Variants in SLC28A3 observed in about 807,000 individuals in gnomAD.
The protein encoded by SLC28A3 is concentrative Na(+)-nucleoside cotransporter 3.
In SLC28A3, 68 loss-of-function variants were observed where a neutral mutation model predicts 84.2. That is an observed-to-expected ratio of 0.81 (90% CI 0.66 to 0.99). SLC28A3 has a LOEUF of 0.99. Among genes scored for constraint, SLC28A3 ranks in the 50% least tolerant of loss-of-function variants. The pLI is 0.00. For synonymous variants in SLC28A3, 267 were observed against 303.6 expected, an observed-to-expected ratio of 0.88 and a Z score of 1.25; for missense variants, 712 against 841.5, an observed-to-expected ratio of 0.85 and a Z score of 1.90.
chr9:84,299,245 A>G (rs1287983312), intron 6 of SLC28A3, among the ~76,000 whole-genome samples: 1 of 152,222 alleles, frequency 6.6e-6, no homozygotes, highest in Non-Finnish European at 1.5e-5. Flanking sequence ...ATGGAGGACT[A>G]TTAGATTTTT....
At chr9:84,315,283 T>C (rs185053519) in intron 1 of SLC28A3, among the ~76,000 whole-genome samples, 3 of 152,268 alleles carry the variant, frequency 2.0e-5, no homozygotes, top group East Asian at 3.9e-4. Flanking sequence ...AGAACACAGG[T>C]CACTGAGGGG....
intron 16 of SLC28A3, 142 bp from the exon 17 acceptor site, chr9:84,279,527 T>C (rs7862562): frequency 0.41 from 231,873 of 563,108 alleles, 55,160 homozygotes; most frequent in African/African-American, 0.82. Flanking sequence ...CTGCAACCTC[T>C]GCCTCCCGGG....
chr9:84,324,489 C>G (rs920463217), intron 1 of SLC28A3, among the ~76,000 whole-genome samples: 1 of 151,888 alleles, frequency 6.6e-6, no homozygotes, highest in Non-Finnish European at 1.5e-5. Flanking sequence ...ACTAAAAATA[C>G]AAAAATTAGC....
intron 1 of SLC28A3, among the ~76,000 whole-genome samples, chr9:84,335,372 C>G (rs1826934998): frequency 6.6e-6 from 1 of 152,098 alleles, no homozygotes; most frequent in African/African-American, 2.4e-5. Flanking sequence ...AAGACCCTGT[C>G]TCTACAAATA....
At chr9:84,304,937 A>G (rs1030018512) in intron 4 of SLC28A3, among the ~76,000 whole-genome samples, 5 of 152,178 alleles carry the variant, frequency 3.3e-5, no homozygotes, top group Admixed American at 6.5e-5. Flanking sequence ...CAGGAGAATC[A>G]CTTGAACCCG....
chr9:84,366,616 A>T, the SLC28A3 span, among the ~76,000 whole-genome samples: 1 of 152,240 alleles, frequency 6.6e-6, no homozygotes, highest in African/African-American at 2.4e-5. Flanking sequence ...AAGCTCAGCA[A>T]CACTGTGGTT....
At chr9:84,362,956 G>A in the SLC28A3 span, among the ~76,000 whole-genome samples, 7 of 152,014 alleles carry the variant, frequency 4.6e-5, no homozygotes, top group Non-Finnish European at 1.0e-4. Flanking sequence ...TAGTAAAAAA[G>A]ATAAAAATAT....
intron 3 of SLC28A3, among the ~76,000 whole-genome samples, chr9:84,305,768 G>T (rs1825769839): frequency 6.6e-6 from 1 of 152,152 alleles, no homozygotes; most frequent in Non-Finnish European, 1.5e-5. Context: ...ATCCCTCTTG[G>T]TTTGGCAAAG....
chr9:84,289,824 C>T (rs929431702), intron 11 of SLC28A3: 1 of 180,312 alleles, frequency 5.5e-6, no homozygotes, highest in Non-Finnish European at 1.2e-5. Context: ...CCATAGTTTA[C>T]TGACTCCCAG....
intron 5 of SLC28A3, among the ~76,000 whole-genome samples, chr9:84,300,782 C>T (rs1232419755): frequency 6.6e-6 from 1 of 152,118 alleles, no homozygotes; most frequent in Non-Finnish European, 1.5e-5. Context: ...ACTTCACAGG[C>T]CCTTCCTCCC....
the SLC28A3 span, among the ~76,000 whole-genome samples, chr9:84,364,767 C>T: frequency 3.3e-5 from 5 of 152,058 alleles, no homozygotes; most frequent in East Asian, 5.8e-4. Context: ...TGATAACATG[C>T]GATGTTTGTC....
chr9:84,287,727 G>C (rs149311842), intron 12 of SLC28A3, among the ~76,000 whole-genome samples: 1 of 152,212 alleles, frequency 6.6e-6, no homozygotes, highest in East Asian at 1.9e-4. Context: ...GGTGGTGCAT[G>C]CCTGTAGTAT....
intron 1 of SLC28A3, among the ~76,000 whole-genome samples, chr9:84,337,002 C>G (rs903080648): frequency 6.6e-6 from 1 of 152,108 alleles, no homozygotes; most frequent in African/African-American, 2.4e-5. Flanking sequence ...TTACAATGCA[C>G]TTGGTGCTGG....
chr9:84,337,396 G>A (rs768774198), intron 1 of SLC28A3, among the ~76,000 whole-genome samples: 7 of 151,970 alleles, frequency 4.6e-5, no homozygotes, highest in Non-Finnish European at 1.0e-4. Context: ...GGTTTGAGAT[G>A]CCCTGCTTAG....
chr9:84,362,669 A>G, the SLC28A3 span, among the ~76,000 whole-genome samples: 1 of 151,472 alleles, frequency 6.6e-6, no homozygotes, highest in Admixed American at 6.6e-5. Flanking sequence ...TAATAAATAA[A>G]TAAATAAATA....
chr9:84,335,000 A>C, intron 1 of SLC28A3, among the ~76,000 whole-genome samples: 1 of 105,678 alleles, frequency 9.5e-6, no homozygotes, highest in African/African-American at 3.5e-5. Flanking sequence ...GACATCTCTA[A>C]CTTCCCCACT....
At chr9:84,363,337 A>G in the SLC28A3 span, among the ~76,000 whole-genome samples, 2 of 152,228 alleles carry the variant, frequency 1.3e-5, no homozygotes, top group Non-Finnish European at 2.9e-5. Context: ...TCAAGGCAGG[A>G]AAATGTCTAT....
At chr9:84,313,289 A>G in intron 2 of SLC28A3, 70 bp downstream of exon 2, 2 of 1,361,532 alleles carry the variant, frequency 1.5e-6, no homozygotes, top group Non-Finnish European at 2.1e-6. Context: ...TTCTGTGCCC[A>G]CTGTTCTCAG....
At chr9:84,316,500 C>T (rs185346824) in intron 1 of SLC28A3, among the ~76,000 whole-genome samples, 2 of 152,296 alleles carry the variant, frequency 1.3e-5, no homozygotes, top group African/African-American at 4.8e-5. Flanking sequence ...CCAACTGGAC[C>T]ATGGATACAA....
Sources: gnomAD v4.1 joint callset for allele counts (sites outside exome capture counted in the v4.1 genomes callset) on GRCh38, gnomAD v4.1.1 for gene constraint, MANE v1.5 for transcripts, NCBI Gene and HGNC (gene_info 2026-07-23, HGNC 2026-07-21) for gene names.